Variants in CPEB3 observed in about 807,000 individuals in gnomAD.
CPEB3 encodes cytoplasmic polyadenylation element-binding protein 3.
In CPEB3, 20 loss-of-function variants were observed where a neutral mutation model predicts 67.2. The ratio of observed to expected loss-of-function variants is 0.30; its 90% CI spans 0.21 to 0.43. The LOEUF (loss-of-function observed/expected upper bound fraction) is 0.43. Ranked by LOEUF, CPEB3 falls within the 20% of genes least tolerant of loss-of-function variation. The probability of loss-of-function intolerance (pLI) is 1.00; values close to 1 mark genes in which losing one functional copy is unlikely to be tolerated. For synonymous variants in CPEB3, 376 were observed against 393.1 expected, an observed-to-expected ratio of 0.96 and a Z score of 0.51; for missense variants, 746 against 968.6, an observed-to-expected ratio of 0.77 and a Z score of 3.05.
At chr10:92,067,117 A>T (rs1842580043) in intron 9 of CPEB3, among the ~76,000 whole-genome samples, 1 of 151,244 alleles carries the variant, frequency 6.6e-6, no homozygotes, top group East Asian at 1.9e-4. Context: ...TTTTATTAAT[A>T]AAAAAACTAA....
chr10:92,146,036 G>A (rs1386585991), intron 4 of CPEB3, among the ~76,000 whole-genome samples: 1 of 152,166 alleles, frequency 6.6e-6, no homozygotes, highest in African/African-American at 2.4e-5. Context: ...AGATGTGGGA[G>A]TATAAATGTG....
intron 1 of CPEB3, among the ~76,000 whole-genome samples, chr10:92,289,773 A>G (rs1842737930): frequency 8.6e-6 from 1 of 116,646 alleles, no homozygotes; most frequent in South Asian, 2.2e-4. Context: ...TATATATTAT[A>G]AATGTATATA....
intron 4 of CPEB3, 169 bp from the exon 5 acceptor site, chr10:92,145,254 A>G: frequency 3.0e-6 from 2 of 663,404 alleles, no homozygotes; most frequent in Non-Finnish European, 5.1e-6. Context: ...ACAGGACTGA[A>G]TATTACCAGA....
intron 1 of CPEB3, among the ~76,000 whole-genome samples, chr10:92,256,232 G>A (rs553561727): frequency 5.9e-5 from 9 of 151,920 alleles, no homozygotes; most frequent in African/African-American, 2.2e-4. Flanking sequence ...CTGAACTACA[G>A]CAGTGATCTC....
Position 92,159,148 on chromosome 10 carries a change from A to G in CPEB3, c.1223-14063T>C, listed in dbSNP as rs939916613. On this transcript the variant is annotated intron_variant, in intron 4 of 9. Coordinates refer to ENST00000265997, the MANE Select transcript of CPEB3 (RefSeq NM_014912.5). Reference sequence around the variant, plus strand: ...CGCGGTGGCTCACACCTGTAATCCCAGCACTTTGAAAGGCTGAGACAGAAG... The same window carrying G: ...CGCGGTGGCTCACACCTGTAATCCCGGCACTTTGAAAGGCTGAGACAGAAG... Among the ~76,000 whole-genome samples, 4 of 152,110 alleles carry G rather than the reference A, an allele frequency of 2.6e-5. No homozygotes were observed. The East Asian group carries it at 7.7e-4, about 29-fold the overall frequency.
chr10:92,193,445 AC>A (rs911983566), intron 2 of CPEB3, among the ~76,000 whole-genome samples: 23 of 149,570 alleles, frequency 1.5e-4, no homozygotes, highest in African/African-American at 5.4e-4. Flanking sequence ...CCCCCACCCC[AC>A]CCCAGAGAAA....
chr10:92,081,161 C>T (rs1590092018), intron 9 of CPEB3, among the ~76,000 whole-genome samples, 159 bp downstream of exon 9: 1 of 152,178 alleles, frequency 6.6e-6, no homozygotes, highest in South Asian at 2.1e-4. Flanking sequence ...TAAATATCAA[C>T]AGTGCTCTCT....
rs138140922 is a variant in CPEB3 at position 92,193,763 on chromosome 10, A to G, written c.1006-1127T>C. The stretch of plus-strand genomic sequence containing the variant: ...AAACCAAAGGGTGACTATAATTTCA[A>G]TGAAAATGTATTGGATATCTTTAAC... On this transcript the variant is annotated intron_variant, in intron 2 of 9. Coordinates refer to ENST00000265997, the MANE Select transcript of CPEB3 (RefSeq NM_014912.5). Among the ~76,000 whole-genome samples the G allele has an allele frequency of 2.3e-3, 354 of 152,090 alleles. 1 individual carries two copies. Among genetic ancestry groups the G allele is most frequent in the African/African-American group, 7.9e-3 (327 of 41,492 alleles).
intron 3 of CPEB3, among the ~76,000 whole-genome samples, chr10:92,190,665 C>CAAAAAAAAAAAAA (rs780757034): frequency 8.9e-5 from 7 of 78,396 alleles, no homozygotes; most frequent in South Asian, 6.5e-4. Flanking sequence ...AACTCCATCT[C>CAAAAAAAAAAAAA]AAAAAAAAAA....
chr10:92,240,692 C>G (rs1851805441), intron 1 of CPEB3, among the ~76,000 whole-genome samples: 1 of 152,138 alleles, frequency 6.6e-6, no homozygotes, highest in Admixed American at 6.6e-5. Flanking sequence ...GAACTCAGAG[C>G]GTTCGCCCTG....
At chr10:92,089,713 G>A (rs1053935000) in intron 8 of CPEB3, among the ~76,000 whole-genome samples, 5 of 152,096 alleles carry the variant, frequency 3.3e-5, no homozygotes, top group African/African-American at 9.7e-5. Flanking sequence ...AACCCGGGAG[G>A]TGGAGGTTGC....
chr10:92,048,958 T>A lies in CPEB3; in HGVS notation c.*3254A>T, dbSNP rs1852192923. The A allele has an allele frequency of 6.6e-6, 1 of 152,558 alleles. No homozygotes were observed. Among genetic ancestry groups the A allele is most frequent in the Admixed American group, 6.5e-5 (1 of 15,270 alleles). 9.5% of individuals were successfully genotyped at this position (152,558 alleles called of 1,614,324 possible). On this transcript the variant is annotated 3_prime_UTR_variant, in exon 10 of 10. Transcript: ENST00000265997. The surrounding 1 kb of genome is among the most constrained non-coding windows in gnomAD (Gnocchi z 4.1). ...TCCCAGAAACAACTCTATTAATGAT[T>A]GAGAAAGCACTCCTTAAAGAAAATA...
At chr10:92,209,684 TAATCC>T (rs1849975005) in intron 2 of CPEB3, among the ~76,000 whole-genome samples, 6 of 152,100 alleles carry the variant, frequency 3.9e-5, no homozygotes, top group South Asian at 4.2e-4. Flanking sequence ...CTCACGCTTG[TAATCC>T]CAGCACTTTG....
At chr10:92,136,226 A>G (rs1826422585) in intron 6 of CPEB3, among the ~76,000 whole-genome samples, 1 of 152,088 alleles carries the variant, frequency 6.6e-6, no homozygotes, top group South Asian at 2.1e-4. Flanking sequence ...ACTAAGACAA[A>G]CAAACAAACA....
chr10:92,171,084 C>T (rs1847977598), intron 4 of CPEB3, among the ~76,000 whole-genome samples: 1 of 152,186 alleles, frequency 6.6e-6, no homozygotes, highest in African/African-American at 2.4e-5. Flanking sequence ...GCCCGTTGGT[C>T]AGTGTTGTCT....
At chr10:92,207,785 GCTTGA>G (rs1202453614) in intron 2 of CPEB3, among the ~76,000 whole-genome samples, 1 of 152,128 alleles carries the variant, frequency 6.6e-6, no homozygotes, top group Non-Finnish European at 1.5e-5. Flanking sequence ...CAGGAGAATT[GCTTGA>G]ACCCAGGAGG....
upstream of CPEB3, chr10:92,291,151 G>T (rs1418259924): frequency 1.7e-5 from 7 of 414,184 alleles, no homozygotes; most frequent in Admixed American, 2.8e-4. Flanking sequence ...TGGCGCGCAC[G>T]GAGGCGGCGA....
chr10:92,188,352 A>AC lies in CPEB3; in HGVS notation c.1165+4124dup, dbSNP rs1564848694. On this transcript the variant is annotated intron_variant, in intron 3 of 9. Coordinates refer to ENST00000265997, the MANE Select transcript of CPEB3 (RefSeq NM_014912.5). Reference sequence around the variant, plus strand: ...AAAAAAAAAAAAAAAAAAAAAAAAAACCCAGGAGATTATTACCTTATTCCG... The same window carrying AC: ...AAAAAAAAAAAAAAAAAAAAAAAAAACCCCAGGAGATTATTACCTTATTCCG... Among the ~76,000 whole-genome samples the AC allele has an allele frequency of 4.1e-5, 5 of 122,336 alleles. 1 individual carries two copies. Among genetic ancestry groups the AC allele is most frequent in the East Asian group, 4.8e-4 (2 of 4,208 alleles). The allele number at this position is 122,336 out of a possible 152,430, so 80.3% of individuals were successfully genotyped here. A position where few individuals can be genotyped will look rare whatever the true frequency, so the allele number is the denominator to read the frequency against.
At chr10:92,278,389 T>C (rs1175610153) in intron 1 of CPEB3, among the ~76,000 whole-genome samples, 1 of 152,152 alleles carries the variant, frequency 6.6e-6, no homozygotes, top group African/African-American at 2.4e-5. Flanking sequence ...AATTATATCT[T>C]TAATTTCTTA....
Sources: allele counts gnomAD v4.1 joint callset (sites outside exome capture counted in the v4.1 genomes callset), GRCh38; gene constraint gnomAD v4.1.1; non-coding constraint Gnocchi (gnomAD v3.1); transcripts MANE v1.5; gene names NCBI Gene and HGNC (gene_info 2026-07-23, HGNC 2026-07-21).